HNRNPK: variants seen among roughly 807,000 people sequenced by gnomAD.
HNRNPK encodes the protein dC-stretch binding protein.
In HNRNPK, 7 loss-of-function variants were observed where a neutral mutation model predicts 67.0. The ratio of observed to expected loss-of-function variants is 0.10; its 90% CI spans 0.06 to 0.20. The LOEUF is 0.20. HNRNPK is among the 10% of genes least tolerant of loss of function. The pLI is 1.00. For missense variants in HNRNPK, 264 were observed against 606.5 expected (o/e 0.44, Z 5.93); for synonymous variants, 213 against 193.7 (o/e 1.10, Z -0.83).
chr9:83,974,335 G>T (rs375437656), intron 7 of HNRNPK, among the ~76,000 whole-genome samples, 182 bp downstream of exon 7: 2,971 of 130,276 alleles, frequency 0.023, 42 homozygotes, highest in Middle Eastern at 0.044. Context: ...TGGCCAGCCT[G>T]TTTTTTTTTT....
chr9:83,973,806 CTA>C (rs753338303), intron 8 of HNRNPK, 94 bp downstream of exon 8: 257 of 901,826 alleles, frequency 2.8e-4, no homozygotes, highest in Non-Finnish European at 4.3e-4. Context: ...AAGCCTTTTT[CTA>C]TAGAGATGGG....
rs1956763516 is a variant in HNRNPK, at chr9:83,970,210, G to C, written c.1313C>G (p.Thr438Arg). 1 of 1,613,420 alleles carries C rather than the reference G, an allele frequency of 6.2e-7. No homozygotes were observed. Among genetic ancestry groups the C allele is most frequent in the Non-Finnish European group, 8.5e-7 (1 of 1,179,512 alleles). ...ATTCTGTATCTGGTCCTGTGTTCCT[G>C]TAATGGTAATGATCCGATCTTCGGA... ...EGSEDRIITI[T>R]GTQDQIQNAQ... Residue 438 changes from threonine to arginine, a missense_variant, in exon 16 of 17, where the codon ACA (threonine) becomes AGA (arginine). Physicochemically the swap from Thr to Arg is moderately conservative, Grantham distance 71. Transcript: ENST00000376263.
intron 4 of HNRNPK, 139 bp downstream of exon 4, chr9:83,977,550 C>T (rs1957127325): frequency 5.2e-6 from 3 of 575,010 alleles, no homozygotes; most frequent in African/African-American, 1.9e-5. Flanking sequence ...ACCACCAGAG[C>T]CTTCAAGTCT....
At chr9:83,974,835 A>G (rs1957005257) in intron 6 of HNRNPK, among the ~76,000 whole-genome samples, 1 of 152,238 alleles carries the variant, frequency 6.6e-6, no homozygotes, top group Non-Finnish European at 1.5e-5. Context: ...AAGGGCTCAG[A>G]TTAAGTGGGC....
chr9:83,974,298 AG>A (rs1385652864), intron 7 of HNRNPK, among the ~76,000 whole-genome samples: 1 of 97,484 alleles, frequency 1.0e-5, no homozygotes, highest in Non-Finnish European at 2.1e-5. Flanking sequence ...ACATGACCAC[AG>A]GTTAAGTTCA....
intron 9 of HNRNPK, 109 bp downstream of exon 9, chr9:83,973,177 G>A (rs971490131): frequency 5.0e-6 from 4 of 798,062 alleles, no homozygotes; most frequent in East Asian, 4.9e-5. Context: ...TTTGCGATAA[G>A]CAATCTTTGG....
intron 5 of HNRNPK, 115 bp from the exon 6 acceptor site, chr9:83,975,620 G>A: frequency 3.4e-6 from 3 of 882,526 alleles, no homozygotes; most frequent in Non-Finnish European, 5.8e-6. Flanking sequence ...TAGCCAACCA[G>A]GGTTTTCACA....
chr9:83,979,577 A>T (rs1957264726), intron 1 of HNRNPK, among the ~76,000 whole-genome samples: 1 of 151,972 alleles, frequency 6.6e-6, no homozygotes, highest in African/African-American at 2.4e-5. Context: ...GAAAAAGCGA[A>T]AGTCGACAGC....
chr9:83,976,985 T>C lies in HNRNPK; in HGVS notation c.213+10A>G, dbSNP rs1233424473. On this transcript the variant is annotated intron_variant, in intron 5 of 16. Coordinates refer to ENST00000376263, the MANE Select transcript of HNRNPK (RefSeq NM_031263.4). ...CTGCTCGTGTAGTAGTTTAAACTCT[T>C]AATACTTACGTCTGTACGGAGAGCC... 6.3e-7 allele frequency: 1 copy of C among 1,574,910 alleles called. No homozygotes were observed. Among genetic ancestry groups the C allele is most frequent in the Admixed American group, 1.7e-5 (1 of 59,702 alleles).
intron 14 of HNRNPK, 32 bp from the exon 15 acceptor site, chr9:83,970,851 A>T (rs1564059421): frequency 2.5e-6 from 4 of 1,607,150 alleles, no homozygotes; most frequent in Middle Eastern, 1.7e-4. Context: ...AAGTTCATTT[A>T]AAAAGTATGA....
intron 2 of HNRNPK, 44 bp downstream of exon 2, chr9:83,978,329 T>C (rs1957166695): frequency 1.6e-6 from 2 of 1,286,240 alleles, no homozygotes; most frequent in Admixed American, 3.2e-5. Flanking sequence ...GAAAGCAAGC[T>C]GTAAAAAAAA....
At chr9:83,977,521 C>G (rs1957125774) in intron 4 of HNRNPK, among the ~76,000 whole-genome samples, 168 bp downstream of exon 4, 1 of 152,186 alleles carries the variant, frequency 6.6e-6, no homozygotes, top group Non-Finnish European at 1.5e-5. Flanking sequence ...TTAATCTTAA[C>G]TGTTAGTGGA....
At chr9:83,973,476 C>G in intron 8 of HNRNPK, 77 bp from the exon 9 acceptor site, 1 of 827,276 alleles carries the variant, frequency 1.2e-6, no homozygotes, top group Non-Finnish European at 2.1e-6. Flanking sequence ...ATAAGCATAA[C>G]AATAATATAC....
chr9:83,978,096 C>A, intron 3 of HNRNPK, 99 bp downstream of exon 3: 6 of 779,548 alleles, frequency 7.7e-6, no homozygotes, highest in Non-Finnish European at 1.3e-5. Context: ...AACAGTAATA[C>A]CAAAAATTCA....
chr9:83,977,418 C>T (rs780218898), intron 4 of HNRNPK, among the ~76,000 whole-genome samples: 1 of 152,114 alleles, frequency 6.6e-6, no homozygotes, highest in Non-Finnish European at 1.5e-5. Context: ...CCTAAGGAGT[C>T]CACACATAAT....
chr9:83,970,829 A>C lies in HNRNPK; in HGVS notation c.1109-10T>G. On this transcript the variant is annotated splice_polypyrimidine_tract_variant and intron_variant, in intron 14 of 16. Coordinates refer to ENST00000376263, the MANE Select transcript of HNRNPK (RefSeq NM_031263.4). ...CCTGCATAGGAATAATCTGATTTAA[A>C]TAATGAGCAGTAAGTTCATTTAAAA... 6.2e-7 allele frequency: 1 copy of C among 1,609,290 alleles called. No individual in the cohort carries two copies. Among genetic ancestry groups the C allele is most frequent in the Non-Finnish European group, 8.5e-7 (1 of 1,175,598 alleles).
chr9:83,968,434 TAA>T lies in HNRNPK; in HGVS notation c.*971_*972del, dbSNP rs969033876. The T allele has an allele frequency of 2.6e-5, 4 of 152,622 alleles. No homozygotes were observed. The highest frequency in any genetic ancestry group is 2.1e-4 in the South Asian group (1 of 4,836). 9.5% of individuals were successfully genotyped at this position (152,622 alleles called of 1,614,324 possible). A position where few individuals can be genotyped will look rare whatever the true frequency, so the allele number is the denominator to read the frequency against. On this transcript the variant is annotated 3_prime_UTR_variant, in exon 17 of 17. Coordinates refer to ENST00000376263, the MANE Select transcript of HNRNPK (RefSeq NM_031263.4). ...AAGACACTAGAGCAAATTGACAGTT[TAA>T]GTCTATAGGTGAGAAATTATCTAAT...
At chr9:83,975,179 C>T (rs1957021884) in intron 6 of HNRNPK, among the ~76,000 whole-genome samples, 1 of 152,154 alleles carries the variant, frequency 6.6e-6, no homozygotes, top group Non-Finnish European at 1.5e-5. Context: ...GCCACAAAGA[C>T]AGAGCGAGAG....
chr9:83,979,067 C>T (rs924460655), intron 1 of HNRNPK, among the ~76,000 whole-genome samples: 7 of 152,130 alleles, frequency 4.6e-5, no homozygotes, highest in Non-Finnish European at 8.8e-5. Flanking sequence ...TTAAATTAGG[C>T]TTAAGGGAGT....
Sources: gnomAD v4.1 joint callset for allele counts (sites outside exome capture counted in the v4.1 genomes callset) on GRCh38, gnomAD v4.1.1 for gene constraint, MANE v1.5 for transcripts, NCBI Gene and HGNC (gene_info 2026-07-23, HGNC 2026-07-21) for gene names.